ARHGEF38: variants seen among roughly 807,000 people sequenced by gnomAD.
The protein encoded by ARHGEF38 is Rho guanine nucleotide exchange factor 38.
In ARHGEF38, 79 loss-of-function variants were observed where a neutral mutation model predicts 79.9. The observed-to-expected ratio is 0.99, with a 90% CI of 0.82 to 1.19. The LOEUF (loss-of-function observed/expected upper bound fraction) is 1.19. ARHGEF38 is among the 50% of genes most tolerant of loss of function. The pLI, the probability that ARHGEF38 is intolerant of heterozygous loss-of-function variation, is 0.00. For synonymous variants in ARHGEF38, 366 were observed against 328.3 expected (o/e 1.11, Z -1.24); for missense variants, 962 against 907.2 (o/e 1.06, Z -0.78).
chr4:105,571,232 T>G (rs541710243), intron 1 of ARHGEF38, among the ~76,000 whole-genome samples: 29 of 152,208 alleles, frequency 1.9e-4, no homozygotes, highest in African/African-American at 6.7e-4. Context: ...TATATCCATC[T>G]ACGGGAGGAA....
chr4:105,679,148 G>T lies in ARHGEF38; in HGVS notation c.*1211G>T, dbSNP rs1040789276. On this transcript the variant is annotated 3_prime_UTR_variant, in exon 14 of 14. Transcript: ENST00000420470. ...GACTTTCCTGAGCAACTGCTTTGTC[G>T]ACTCTCTCTACCTGACCAATTGCCA... is the stretch of plus-strand genomic sequence containing the variant. 9.0e-6 allele frequency: 5 copies of T among 555,862 alleles called. No individual in the cohort carries two copies. The highest frequency in any genetic ancestry group is 6.1e-5 in the South Asian group (2 of 32,604). The allele number at this position is 555,862 out of a possible 1,614,324, so 34.4% of individuals were successfully genotyped here.
intron 2 of ARHGEF38, among the ~76,000 whole-genome samples, chr4:105,607,234 C>T (rs1728087533): frequency 6.6e-6 from 1 of 152,070 alleles, no homozygotes; most frequent in African/African-American, 2.4e-5. Flanking sequence ...CCCCAGTGTG[C>T]CTTTGCAGAT....
chr4:105,574,203 T>C (rs1246756996), intron 1 of ARHGEF38, among the ~76,000 whole-genome samples: 1 of 152,156 alleles, frequency 6.6e-6, no homozygotes, highest in Non-Finnish European at 1.5e-5. Flanking sequence ...TGCCTTTATC[T>C]CTTTTTCTTG....
chr4:105,591,419 C>T (rs1357706005), intron 2 of ARHGEF38, among the ~76,000 whole-genome samples: 5 of 152,208 alleles, frequency 3.3e-5, no homozygotes, highest in East Asian at 3.9e-4. Context: ...TTAGTAGAGA[C>T]GGGGTTTCAC....
intron 1 of ARHGEF38, among the ~76,000 whole-genome samples, chr4:105,573,500 A>G (rs1313756225): frequency 1.3e-5 from 2 of 152,088 alleles, no homozygotes; most frequent in Non-Finnish European, 2.9e-5. Context: ...TTCCCCATAA[A>G]ATAGTCTTGG....
chr4:105,614,974 T>C (rs1033395997), intron 3 of ARHGEF38, among the ~76,000 whole-genome samples: 14 of 152,182 alleles, frequency 9.2e-5, no homozygotes, highest in African/African-American at 3.4e-4. Context: ...CATTTCTAGA[T>C]GGAAACTCCA....
rs747288600 is a variant in ARHGEF38, at chr4:105,552,811, A to C, written c.46A>C (p.Lys16Gln). 1 of 1,612,794 alleles carries C rather than the reference A, an allele frequency of 6.2e-7. No homozygotes were observed. The highest frequency in any genetic ancestry group is 8.5e-7 in the Non-Finnish European group (1 of 1,179,596). The part of the protein sequence containing the change: ...ATGKENMVTK[K>Q]KNLAFLRSRL... The stretch of plus-strand genomic sequence containing the variant: ...TGGGAAAGAAAACATGGTCACCAAG[A>C]AAAAGAATCTGGCCTTCTTGAGGTC... Residue 16 changes from lysine (K) to glutamine (Q), a missense_variant, in exon 1 of 14, where the codon AAA (lysine) becomes CAA (glutamine). Coordinates refer to ENST00000420470, the MANE Select transcript of ARHGEF38 (RefSeq NM_001242729.2).
intron 5 of ARHGEF38, among the ~76,000 whole-genome samples, chr4:105,638,120 A>C (rs1729472887): frequency 6.6e-6 from 1 of 152,176 alleles, no homozygotes; most frequent in African/African-American, 2.4e-5. Flanking sequence ...AAGGCCAGCA[A>C]TGTTGCAGCC....
intron 3 of ARHGEF38, among the ~76,000 whole-genome samples, chr4:105,617,790 A>G (rs1294521124): frequency 1.3e-5 from 2 of 152,326 alleles, no homozygotes; most frequent in East Asian, 3.9e-4. Context: ...AACAAGGAGT[A>G]AGTTTAAAAA....
chr4:105,675,326 G>A (rs1010455104), intron 13 of ARHGEF38, among the ~76,000 whole-genome samples: 25 of 152,080 alleles, frequency 1.6e-4, no homozygotes, highest in African/African-American at 5.8e-4. Context: ...AGGTTGTTGA[G>A]GACAAAGCAC....
chr4:105,589,342 G>T lies in ARHGEF38; in HGVS notation c.291G>T (p.Lys97Asn). 2 of 1,614,134 alleles carry T rather than the reference G, an allele frequency of 1.2e-6. No individual in the cohort carries two copies. The highest frequency in any genetic ancestry group is 8.5e-7 in the Non-Finnish European group (1 of 1,179,998). The change falls in exon 2 of 14, where the codon AAG becomes AAT. Residue 97 changes from lysine (K) to asparagine (N), a missense_variant. By Grantham distance (94) the Lys-to-Asn change is moderately conservative (BLOSUM62 0). Transcript: ENST00000420470. Reference sequence around the variant, plus strand: ...AGAGGATGATGGCAAAGCGGGAAAAGATCATTAAGGAGCTGATACAGACAG... The same window carrying T: ...AGAGGATGATGGCAAAGCGGGAAAATATCATTAAGGAGCTGATACAGACAG... ...HMKRMMAKRE[K>N]IIKELIQTEK...
At chr4:105,553,165 A>G (rs914650715) in intron 1 of ARHGEF38, among the ~76,000 whole-genome samples, 1 of 152,140 alleles carries the variant, frequency 6.6e-6, no homozygotes, top group Non-Finnish European at 1.5e-5. Flanking sequence ...TAAAGAGTCA[A>G]TTCCGAATTA....
At chr4:105,675,011 T>C (rs1731070581) in intron 13 of ARHGEF38, among the ~76,000 whole-genome samples, 1 of 152,198 alleles carries the variant, frequency 6.6e-6, no homozygotes, top group Non-Finnish European at 1.5e-5. Flanking sequence ...ATGTTTCAGA[T>C]GTATTATAGT....
At chr4:105,658,349 G>C (rs569866551) in intron 9 of ARHGEF38, among the ~76,000 whole-genome samples, 1 of 152,234 alleles carries the variant, frequency 6.6e-6, no homozygotes, top group African/African-American at 2.4e-5. Flanking sequence ...GCAGTGAGCT[G>C]AGAAAGTGCC....
rs559481641 is a variant in ARHGEF38, at chr4:105,580,562, G to A, written c.197-8686G>A. On this transcript the variant is annotated intron_variant, in intron 1 of 13. Transcript: ENST00000420470. ...CTTGGTCATTAATTCTAATTTTATT[G>A]TACTATGGTCTGAGAGAGTGGTTGG... is the stretch of plus-strand genomic sequence containing the variant. Among the ~76,000 whole-genome samples, 3 of 152,114 alleles carry A rather than the reference G, an allele frequency of 2.0e-5. No homozygotes were observed. In the South Asian group the frequency reaches 6.2e-4, roughly 32 times the overall value.
chr4:105,589,148 C>A, intron 1 of ARHGEF38, 100 bp from the exon 2 acceptor site: 1 of 931,386 alleles, frequency 1.1e-6, no homozygotes, highest in South Asian at 1.9e-5. Context: ...TACCTTCAGC[C>A]TTTTTCCTTG....
intron 13 of ARHGEF38, among the ~76,000 whole-genome samples, chr4:105,673,558 A>T (rs998972594): frequency 2.6e-5 from 4 of 152,198 alleles, no homozygotes; most frequent in South Asian, 4.1e-4. Flanking sequence ...GAAAGTGCTT[A>T]AAAAAGTCAG....
At chr4:105,563,009 C>G (rs1283118587) in intron 1 of ARHGEF38, among the ~76,000 whole-genome samples, 2 of 152,068 alleles carry the variant, frequency 1.3e-5, no homozygotes, top group Non-Finnish European at 2.9e-5. Flanking sequence ...TCACACTTTA[C>G]GTTTGGGGAT....
downstream of ARHGEF38, chr4:105,682,417 G>A: frequency 4.4e-6 from 1 of 225,154 alleles, no homozygotes; most frequent in South Asian, 7.3e-5. Context: ...AACTCTTGGG[G>A]CTTTGCTAGA....
Sources: allele counts gnomAD v4.1 joint callset (sites outside exome capture counted in the v4.1 genomes callset), GRCh38; gene constraint gnomAD v4.1.1; transcripts MANE v1.5; gene names NCBI Gene and HGNC (gene_info 2026-07-23, HGNC 2026-07-21).